Variants in ANK3 observed in about 807,000 individuals in gnomAD.
ANK3 encodes ankyrin-3.
In ANK3, 57 loss-of-function variants were observed where a neutral mutation model predicts 370.9. The ratio of observed to expected loss-of-function variants is 0.15; its 90% confidence interval spans 0.12 to 0.19. ANK3 has a LOEUF of 0.19. Ranked by LOEUF, ANK3 falls within the 10% of genes least tolerant of loss-of-function variation. The pLI, the probability that ANK3 is intolerant of heterozygous loss-of-function variation, is 1.00. For synonymous variants in ANK3, 1,929 were observed against 1,946.3 expected (o/e 0.99, Z 0.23); for missense variants, 4,439 against 5,302.1 (o/e 0.84, Z 5.06).
chr10:60,047,680 T>C (rs10994165), intron 42 of ANK3, among the ~76,000 whole-genome samples: 6,331 of 152,190 alleles, frequency 0.042, 326 homozygotes, highest in East Asian at 0.14. Context: ...TGTTGAAAAA[T>C]TGAAATAAAA....
intron 2 of ANK3, among the ~76,000 whole-genome samples, chr10:60,544,120 A>G (rs2076911048): frequency 6.6e-6 from 1 of 152,160 alleles, no homozygotes; most frequent in Non-Finnish European, 1.5e-5. Flanking sequence ...TGTAGAAAGC[A>G]AAATGTACTG....
intron 23 of ANK3, among the ~76,000 whole-genome samples, chr10:60,142,344 C>T (rs569148454): frequency 6.6e-6 from 1 of 152,260 alleles, no homozygotes; most frequent in South Asian, 2.1e-4. Context: ...ACCCTCTACT[C>T]ACCATTAGGT....
intron 28 of ANK3, among the ~76,000 whole-genome samples, chr10:60,097,361 C>T (rs981243856): frequency 5.3e-5 from 8 of 152,172 alleles, no homozygotes; most frequent in African/African-American, 1.9e-4. Flanking sequence ...TTGCAAATGC[C>T]GTGGTCGAAA....
At chr10:60,248,630 C>T (rs1230663959) in intron 7 of ANK3, among the ~76,000 whole-genome samples, 1 of 152,206 alleles carries the variant, frequency 6.6e-6, no homozygotes, top group African/African-American at 2.4e-5. Context: ...GGGACCTCTA[C>T]TTTGTGCAGG....
At position 60,073,883 on chromosome 10, in the gene ANK3, T is replaced by C; in HGVS notation, c.6998A>G (p.His2333Arg). Residue 2333 changes from histidine to arginine, a missense_variant, in exon 37 of 44, where the codon CAC becomes CGC. Around this residue, in one of 13 missense-constraint regions of ANK3, gnomAD observed 1,601 missense variants for 1,731.7 expected, o/e 0.92. Coordinates refer to ENST00000280772, the MANE Select transcript of ANK3 (RefSeq NM_020987.5). The stretch of plus-strand genomic sequence containing the variant: ...CTCAGCTTGGTTACCTTTTTCGATG[T>C]GGACTTCTATTATACGCTCCAGTTT... ...KPKLERIIEV[H>R]IEKGNQAEPT... 1 of 1,613,930 alleles carries C rather than the reference T, an allele frequency of 6.2e-7. No individual in the cohort carries two copies. The highest frequency in any genetic ancestry group is 8.5e-7 in the Non-Finnish European group (1 of 1,180,012).
chr10:60,430,522 C>T (rs2063993230), intron 2 of ANK3, among the ~76,000 whole-genome samples: 1 of 152,060 alleles, frequency 6.6e-6, no homozygotes, highest in Non-Finnish European at 1.5e-5. Flanking sequence ...ATTCTTTGTT[C>T]AAATCAGGAC....
rs773601745 is a variant in ANK3 at position 60,072,556 on chromosome 10, A to T, written c.8325T>A (p.Asp2775Glu). The T allele has an allele frequency of 1.2e-6, 2 of 1,613,418 alleles. 1 individual carries two copies. The highest frequency in any genetic ancestry group is 2.2e-5 in the South Asian group (2 of 90,894). The change falls in exon 37 of 44, where the codon GAT becomes GAA. Residue 2775 changes from aspartate (D) to glutamate (E), a missense_variant. Coordinates refer to ENST00000280772, the MANE Select transcript of ANK3 (RefSeq NM_020987.5). ...EKQQKAIDLP[D>E]ESVSVQKDFM... ...AATCTTTTTGCACAGATACACTTTC[A>T]TCTGGGAGGTCTATGGCCTTCTGCT...
At chr10:60,685,973 T>G (rs1050070286) in intron 1 of ANK3, among the ~76,000 whole-genome samples, 1 of 152,170 alleles carries the variant, frequency 6.6e-6, no homozygotes, top group Non-Finnish European at 1.5e-5. Flanking sequence ...AAAACTGTTC[T>G]TAGTAAAACT....
chr10:60,644,654 TCCA>T (rs1210270048), intron 1 of ANK3, among the ~76,000 whole-genome samples: 1 of 152,038 alleles, frequency 6.6e-6, no homozygotes, highest in East Asian at 1.9e-4. Context: ...ATAATTCTCC[TCCA>T]GCCACACACT....
chr10:60,691,337 T>C (rs748539231), intron 1 of ANK3, among the ~76,000 whole-genome samples: 1 of 152,168 alleles, frequency 6.6e-6, no homozygotes, highest in Admixed American at 6.5e-5. Flanking sequence ...TACTTGAAAT[T>C]GCACTCTGGG....
At chr10:60,277,451 A>C (rs1452500622) in intron 4 of ANK3, among the ~76,000 whole-genome samples, 2 of 152,214 alleles carry the variant, frequency 1.3e-5, no homozygotes, top group East Asian at 3.8e-4. Context: ...ACAAAGACTA[A>C]ACCAAGTGTT....
chr10:60,490,896 C>G (rs1295088277), intron 2 of ANK3, among the ~76,000 whole-genome samples: 1 of 152,168 alleles, frequency 6.6e-6, no homozygotes, highest in Non-Finnish European at 1.5e-5. Context: ...TAGAGCATCT[C>G]CATCCCTCAA....
chr10:60,628,478 C>A (rs2078439499), intron 1 of ANK3, among the ~76,000 whole-genome samples: 1 of 152,174 alleles, frequency 6.6e-6, no homozygotes, highest in Non-Finnish European at 1.5e-5. Flanking sequence ...TTCTCTGATT[C>A]TCTGAAGTGC....
chr10:60,060,971 C>G (rs760264660), intron 40 of ANK3, among the ~76,000 whole-genome samples: 2 of 151,994 alleles, frequency 1.3e-5, no homozygotes, highest in Non-Finnish European at 1.5e-5. Context: ...TCTGCCTCAG[C>G]AGAGAGAAAA....
At chr10:60,492,867 G>T (rs2075554988) in intron 2 of ANK3, among the ~76,000 whole-genome samples, 1 of 151,016 alleles carries the variant, frequency 6.6e-6, no homozygotes, top group Non-Finnish European at 1.5e-5. Flanking sequence ...ATGAGGTCAG[G>T]AGATCGAGAC....
chr10:60,050,287 C>T (rs569127682), intron 42 of ANK3, among the ~76,000 whole-genome samples: 1 of 152,192 alleles, frequency 6.6e-6, no homozygotes, highest in Admixed American at 6.5e-5. Context: ...TTAAAGGAAC[C>T]CTATTGAGCT....
At chr10:60,647,771 A>C (rs1056999662) in intron 1 of ANK3, among the ~76,000 whole-genome samples, 1 of 152,158 alleles carries the variant, frequency 6.6e-6, no homozygotes, top group Non-Finnish European at 1.5e-5. Context: ...ATAGAGGAAA[A>C]CATTTCCCTT....
chr10:60,457,487 G>A (rs1482131926), intron 2 of ANK3, among the ~76,000 whole-genome samples: 1 of 152,112 alleles, frequency 6.6e-6, no homozygotes, highest in Non-Finnish European at 1.5e-5. Flanking sequence ...TTCTAAAATT[G>A]TGTTTATATC....
chr10:60,705,966 G>T (rs952230165), intron 1 of ANK3, among the ~76,000 whole-genome samples: 1 of 151,764 alleles, frequency 6.6e-6, no homozygotes, highest in Non-Finnish European at 1.5e-5. Flanking sequence ...GGGACCACAG[G>T]CACACACCAT....
Sources: allele counts gnomAD v4.1 joint callset (sites outside exome capture counted in the v4.1 genomes callset), GRCh38; gene constraint gnomAD v4.1.1; regional missense constraint gnomAD v4.1.1; transcripts MANE v1.5; gene names NCBI Gene and HGNC (gene_info 2026-07-23, HGNC 2026-07-21).